Variants in CNTNAP2 observed in about 807,000 individuals in gnomAD.
CNTNAP2 encodes contactin-associated protein-like 2.
Under a neutral mutation model 155.2 loss-of-function variants are expected in CNTNAP2, and 98 were observed. The observed-to-expected ratio is 0.63, with a 90% CI of 0.54 to 0.75. The LOEUF is 0.75. Among genes scored for constraint, CNTNAP2 ranks in the 30% least tolerant of loss-of-function variants. The probability of loss-of-function intolerance (pLI) is 0.00; values close to 1 mark genes in which losing one functional copy is unlikely to be tolerated. For synonymous variants in CNTNAP2, 651 were observed against 631.2 expected (o/e 1.03, Z -0.47); for missense variants, 1,727 against 1,688.1 (o/e 1.02, Z -0.40).
chr7:147,833,127 G>GT (rs1056090232), intron 13 of CNTNAP2, among the ~76,000 whole-genome samples: 2,487 of 139,244 alleles, frequency 0.018, 92 homozygotes, highest in Admixed American at 0.094. Flanking sequence ...TTTTTCTTAG[G>GT]TTTTTTTTTT....
intron 1 of CNTNAP2, among the ~76,000 whole-genome samples, chr7:146,287,841 G>A (rs2129086033): frequency 6.6e-6 from 1 of 152,236 alleles, no homozygotes; most frequent in Non-Finnish European, 1.5e-5. Flanking sequence ...CTAACTTTGT[G>A]TTAAAAATTA....
chr7:147,070,458 C>T (rs1009417514), intron 4 of CNTNAP2, among the ~76,000 whole-genome samples: 6 of 152,144 alleles, frequency 3.9e-5, no homozygotes, highest in African/African-American at 7.2e-5. Context: ...CACCTAAGAA[C>T]GGATATTCGG....
At chr7:148,023,285 A>G (rs1347523928) in intron 15 of CNTNAP2, among the ~76,000 whole-genome samples, 1 of 152,228 alleles carries the variant, frequency 6.6e-6, no homozygotes. Context: ...AGAGAGATGC[A>G]CTGTGACTAA....
At chr7:146,510,898 C>CT (rs1010829636) in intron 1 of CNTNAP2, among the ~76,000 whole-genome samples, 1 of 151,790 alleles carries the variant, frequency 6.6e-6, no homozygotes, top group Non-Finnish European at 1.5e-5. Context: ...TTAGGTTTTT[C>CT]TTTTTTCTTT....
chr7:146,672,613 CTG>C (rs1475900558), intron 1 of CNTNAP2, among the ~76,000 whole-genome samples: 1 of 152,160 alleles, frequency 6.6e-6, no homozygotes, highest in African/African-American at 2.4e-5. Flanking sequence ...TGAAAACAAA[CTG>C]TGTCACTAAT....
At chr7:147,862,473 C>A (rs889292644) in intron 13 of CNTNAP2, among the ~76,000 whole-genome samples, 2 of 152,122 alleles carry the variant, frequency 1.3e-5, no homozygotes, top group Non-Finnish European at 2.9e-5. Flanking sequence ...CTATAATGTA[C>A]TTCTTTATTG....
intron 1 of CNTNAP2, among the ~76,000 whole-genome samples, chr7:146,508,881 T>C (rs1421912112): frequency 6.6e-6 from 1 of 152,212 alleles, no homozygotes; most frequent in Non-Finnish European, 1.5e-5. Flanking sequence ...CATATGTGTA[T>C]GAGTCACCAC....
intron 13 of CNTNAP2, among the ~76,000 whole-genome samples, chr7:147,688,938 C>T (rs1243209213): frequency 4.6e-5 from 7 of 152,090 alleles, no homozygotes; most frequent in Admixed American, 3.9e-4. Context: ...CAAGGGGTCA[C>T]TCAAAATGCA....
At chr7:148,207,901 C>T (rs940094965) in intron 18 of CNTNAP2, among the ~76,000 whole-genome samples, 3 of 151,890 alleles carry the variant, frequency 2.0e-5, no homozygotes, top group African/African-American at 7.3e-5. Flanking sequence ...ATCGAGACCA[C>T]GGTGAAACCC....
intron 1 of CNTNAP2, among the ~76,000 whole-genome samples, chr7:146,653,386 G>A (rs1165153041): frequency 2.0e-5 from 3 of 152,064 alleles, no homozygotes; most frequent in Non-Finnish European, 4.4e-5. Flanking sequence ...ATATAATAGC[G>A]AACAAGACAT....
chr7:147,869,129 A>G (rs186380537), intron 13 of CNTNAP2, among the ~76,000 whole-genome samples: 9 of 152,338 alleles, frequency 5.9e-5, no homozygotes, highest in Admixed American at 2.6e-4. Context: ...TTCCATTTCA[A>G]TGCAGCCACT....
intron 9 of CNTNAP2, among the ~76,000 whole-genome samples, chr7:147,329,090 CATG>C (rs1641090056): frequency 1.3e-5 from 2 of 151,906 alleles, no homozygotes; most frequent in African/African-American, 2.4e-5. Context: ...GATGAGAAAA[CATG>C]ATAGGATTTC....
At chr7:146,191,285 CCAG>C (rs1489483610) in intron 1 of CNTNAP2, among the ~76,000 whole-genome samples, 1 of 151,984 alleles carries the variant, frequency 6.6e-6, no homozygotes, top group Non-Finnish European at 1.5e-5. Flanking sequence ...AGCCGCAAAA[CCAG>C]CAAGTTTGTA....
intron 3 of CNTNAP2, among the ~76,000 whole-genome samples, chr7:146,922,982 A>C (rs1029377753): frequency 3.3e-5 from 5 of 152,172 alleles, no homozygotes; most frequent in Non-Finnish European, 7.3e-5. Flanking sequence ...AACATAAGGG[A>C]AAAATGTTTT....
intron 17 of CNTNAP2, among the ~76,000 whole-genome samples, chr7:148,159,114 G>A (rs1805462835): frequency 6.6e-6 from 1 of 152,108 alleles, no homozygotes; most frequent in South Asian, 2.1e-4. Context: ...TCACAGTTTG[G>A]TTTCTGCTCC....
chr7:147,691,295 G>A (rs754907847), intron 13 of CNTNAP2, among the ~76,000 whole-genome samples: 6 of 151,714 alleles, frequency 4.0e-5, no homozygotes, highest in Non-Finnish European at 5.9e-5. Flanking sequence ...CATTTTTTCC[G>A]TTCTCTCTTC....
chr7:147,202,587 T>C (rs757355828), intron 8 of CNTNAP2, among the ~76,000 whole-genome samples: 2 of 152,138 alleles, frequency 1.3e-5, no homozygotes, highest in Non-Finnish European at 2.9e-5. Context: ...TAGGAAAATG[T>C]GGCACATATA....
chr7:147,266,898 C>A (rs1584831403), intron 8 of CNTNAP2, among the ~76,000 whole-genome samples: 1 of 152,086 alleles, frequency 6.6e-6, no homozygotes, highest in South Asian at 2.1e-4. Context: ...ATTTCATTTT[C>A]TCTATAAGAA....
At chr7:148,199,234 C>T (rs567285780) in intron 18 of CNTNAP2, among the ~76,000 whole-genome samples, 1 of 152,344 alleles carries the variant, frequency 6.6e-6, no homozygotes, top group Non-Finnish European at 1.5e-5. Flanking sequence ...TTCCAAGCTG[C>T]TACTCAAATG....
Sources: gnomAD v4.1 joint callset for allele counts (sites outside exome capture counted in the v4.1 genomes callset) on GRCh38, gnomAD v4.1.1 for gene constraint, MANE v1.5 for transcripts, NCBI Gene and HGNC (gene_info 2026-07-23, HGNC 2026-07-21) for gene names.